Variants in DLG2 observed in about 807,000 individuals in gnomAD.
DLG2 encodes the protein disks large homolog 2.
A neutral mutation model predicts 132.5 loss-of-function variants in DLG2; 45 were observed. The observed-to-expected ratio is 0.34, with a 90% CI of 0.27 to 0.44. DLG2 has a LOEUF of 0.44. Ranked by LOEUF, DLG2 falls within the 20% of genes least tolerant of loss-of-function variation. The probability of loss-of-function intolerance (pLI) is 1.00; values close to 1 mark genes in which losing one functional copy is unlikely to be tolerated. For synonymous variants in DLG2, 424 were observed against 419.6 expected (o/e 1.01, Z -0.13); for missense variants, 1,045 against 1,196.9 (o/e 0.87, Z 1.87).
chr11:83,582,250 C>A (rs371698711), intron 19 of DLG2, among the ~76,000 whole-genome samples: 1 of 152,122 alleles, frequency 6.6e-6, no homozygotes, highest in Admixed American at 6.5e-5. Flanking sequence ...GCCACCTCCC[C>A]GGCTGACTTT....
chr11:85,600,749 GTTAT>G (rs1333116027), intron 2 of DLG2, among the ~76,000 whole-genome samples: 19 of 152,186 alleles, frequency 1.2e-4, no homozygotes, highest in Admixed American at 1.0e-3. Context: ...ACTCAATTAT[GTTAT>G]TTGTTTACTG....
At chr11:84,849,646 C>T (rs2081946918) in intron 6 of DLG2, among the ~76,000 whole-genome samples, 1 of 152,076 alleles carries the variant, frequency 6.6e-6, no homozygotes, top group African/African-American at 2.4e-5. Flanking sequence ...GATGTTAGTT[C>T]AAATGTCACT....
intron 10 of DLG2, among the ~76,000 whole-genome samples, chr11:84,068,330 T>A (rs1414953522): frequency 6.6e-6 from 1 of 152,192 alleles, no homozygotes; most frequent in Non-Finnish European, 1.5e-5. Context: ...AGCTGGTGGG[T>A]CTTTTACTTG....
intron 6 of DLG2, among the ~76,000 whole-genome samples, chr11:84,761,816 T>C (rs1460538802): frequency 6.6e-6 from 1 of 152,174 alleles, no homozygotes; most frequent in Non-Finnish European, 1.5e-5. Context: ...GGACTTTACT[T>C]TGTGATTGTG....
intron 6 of DLG2, chr11:84,955,751 ATTTG>A (rs2154105586): frequency 6.6e-6 from 1 of 152,298 alleles, no homozygotes; most frequent in East Asian, 1.9e-4. Context: ...CTACTTCTGT[ATTTG>A]TTTGGTCATC....
chr11:84,137,721 G>C (rs946819189), intron 9 of DLG2, among the ~76,000 whole-genome samples: 8 of 152,002 alleles, frequency 5.3e-5, no homozygotes, highest in Non-Finnish European at 8.8e-5. Context: ...GTGCATTCTA[G>C]ATGTGAACTG....
Position 84,012,459 on chromosome 11 carries a change from C to T in DLG2, c.920-31817G>A, listed in dbSNP as rs189740369. On this transcript the variant is annotated intron_variant, in intron 11 of 27. Coordinates refer to ENST00000376104, the MANE Select transcript of DLG2 (RefSeq NM_001142699.3). The stretch of plus-strand genomic sequence containing the variant: ...TGACCTTGACCACTGTTGGGTCATT[C>T]GATGGTGGCATTTTGTGGCATTTAT... Among the ~76,000 whole-genome samples the T allele has an allele frequency of 4.4e-3, 676 of 152,142 alleles. 4 individuals are homozygous for T. Among genetic ancestry groups the T allele is most frequent in the Middle Eastern group, 0.024 (7 of 294 alleles).
chr11:83,861,985 C>T (rs1466887273), intron 16 of DLG2, among the ~76,000 whole-genome samples: 1 of 151,894 alleles, frequency 6.6e-6, no homozygotes, highest in Non-Finnish European at 1.5e-5. Context: ...CTCATGTACC[C>T]CATAAATATA....
rs541669414 is a variant in DLG2 at position 83,530,541 on chromosome 11, G to A, written c.2193+2167C>T. On this transcript the variant is annotated intron_variant, in intron 21 of 27. Coordinates refer to ENST00000376104, the MANE Select transcript of DLG2 (RefSeq NM_001142699.3). Reference sequence around the variant, plus strand: ...TATGAAGAAAAAGAGAACGGGAAGAGAGAAGATGGGAAAGTTATTTTACAA... The same window carrying A: ...TATGAAGAAAAAGAGAACGGGAAGAAAGAAGATGGGAAAGTTATTTTACAA... 2.6e-5 allele frequency among the ~76,000 whole-genome samples: 4 copies of A among 152,044 alleles called. No individual in the cohort carries two copies. The East Asian group carries it at 7.7e-4, about 29-fold the overall frequency.
intron 19 of DLG2, among the ~76,000 whole-genome samples, chr11:83,614,420 GA>G (rs1432941474): frequency 9.9e-5 from 15 of 152,154 alleles, no homozygotes; most frequent in African/African-American, 2.9e-4. Flanking sequence ...TGCTTTAATA[GA>G]AAAAAATAAT....
At chr11:83,804,926 C>T (rs890932270) in intron 17 of DLG2, among the ~76,000 whole-genome samples, 11 of 152,052 alleles carry the variant, frequency 7.2e-5, no homozygotes, top group African/African-American at 2.7e-4. Flanking sequence ...CTACATTTTT[C>T]TTTAAATAAA....
At chr11:83,985,174 C>T (rs2093160616) in intron 11 of DLG2, among the ~76,000 whole-genome samples, 1 of 152,002 alleles carries the variant, frequency 6.6e-6, no homozygotes, top group South Asian at 2.1e-4. Flanking sequence ...AAAGCAGGGG[C>T]AGGCTCTCTA....
intron 4 of DLG2, among the ~76,000 whole-genome samples, chr11:85,258,230 T>C (rs887254481): frequency 5.3e-5 from 8 of 152,212 alleles, no homozygotes; most frequent in Non-Finnish European, 4.4e-5. Flanking sequence ...TATGATTATT[T>C]TGACTGGCTT....
intron 6 of DLG2, among the ~76,000 whole-genome samples, chr11:84,612,507 G>A (rs1442960482): frequency 6.6e-6 from 1 of 152,050 alleles, no homozygotes; most frequent in Non-Finnish European, 1.5e-5. Context: ...TAGCAATGTG[G>A]AAAGTGCTTA....
At chr11:85,073,451 C>T (rs536127226) in intron 6 of DLG2, among the ~76,000 whole-genome samples, 30 of 151,796 alleles carry the variant, frequency 2.0e-4, no homozygotes, top group African/African-American at 6.5e-4. Flanking sequence ...ATCAGGATTG[C>T]GTAAGTAAAT....
At chr11:85,014,105 A>T (rs1228752192) in intron 6 of DLG2, among the ~76,000 whole-genome samples, 1 of 152,216 alleles carries the variant, frequency 6.6e-6, no homozygotes, top group East Asian at 1.9e-4. Flanking sequence ...CAATAAAAAT[A>T]GACTGGTACT....
intron 3 of DLG2, among the ~76,000 whole-genome samples, chr11:85,545,385 T>C (rs1212022488): frequency 1.3e-5 from 2 of 152,162 alleles, no homozygotes; most frequent in East Asian, 3.8e-4. Context: ...CTGGATTCGG[T>C]TTGCCAGTAT....
At chr11:83,842,644 G>A (rs2057846120) in intron 16 of DLG2, among the ~76,000 whole-genome samples, 2 of 150,978 alleles carry the variant, frequency 1.3e-5, no homozygotes, top group Non-Finnish European at 1.5e-5. Flanking sequence ...GTGAAAACCC[G>A]TCTCTACTAA....
chr11:83,517,516 C>G (rs1206041550), intron 21 of DLG2, among the ~76,000 whole-genome samples: 1 of 152,236 alleles, frequency 6.6e-6, no homozygotes, highest in Non-Finnish European at 1.5e-5. Flanking sequence ...CTTCTTCTCT[C>G]AACTCATCGA....
Sources: gnomAD v4.1 joint callset for allele counts (sites outside exome capture counted in the v4.1 genomes callset) on GRCh38, gnomAD v4.1.1 for gene constraint, MANE v1.5 for transcripts, NCBI Gene and HGNC (gene_info 2026-07-23, HGNC 2026-07-21) for gene names.